The following ADGRL3 variants were observed in gnomAD, a reference collection of about 807,000 sequenced individuals.
ADGRL3 encodes calcium-independent alpha-latrotoxin receptor 3.
Under a neutral mutation model 153.5 loss-of-function variants are expected in ADGRL3, and 62 were observed. That is an observed-to-expected ratio of 0.40 (90% CI 0.33 to 0.50). The LOEUF is 0.50. Among genes scored for constraint, ADGRL3 ranks in the 20% least tolerant of loss-of-function variants. The probability of loss-of-function intolerance (pLI) is 0.47; values close to 1 mark genes in which losing one functional copy is unlikely to be tolerated. For missense variants in ADGRL3, 1,641 were observed against 1,859.4 expected (o/e 0.88, Z 2.16); for synonymous variants, 710 against 672.5 (o/e 1.06, Z -0.86).
chr4:61,471,311 C>A (rs1228749444), intron 2 of ADGRL3, among the ~76,000 whole-genome samples: 1 of 150,882 alleles, frequency 6.6e-6, no homozygotes, highest in South Asian at 2.1e-4. Flanking sequence ...ATAGTAGTAT[C>A]CAATTGATCA....
At chr4:61,827,481 A>G (rs2097821288) in intron 9 of ADGRL3, among the ~76,000 whole-genome samples, 1 of 152,186 alleles carries the variant, frequency 6.6e-6, no homozygotes, top group African/African-American at 2.4e-5. Context: ...CAAATATCCT[A>G]CAGATAGTGG....
rs547702378 is a variant in ADGRL3 at position 61,301,728 on chromosome 4, A to G, written c.-239-81396A>G. On this transcript the variant is annotated intron_variant, in intron 1 of 26. Transcript: ENST00000683033. Reference sequence around the variant, plus strand: ...ACATAGCAGCAATTTTTGTAGAAAAAGATTTTTCTGGAATATTGGGAATAA... The same window carrying G: ...ACATAGCAGCAATTTTTGTAGAAAAGGATTTTTCTGGAATATTGGGAATAA... Among the ~76,000 whole-genome samples the G allele has an allele frequency of 5.9e-5, 9 of 152,306 alleles. No homozygotes were observed. In the East Asian group the frequency reaches 1.7e-3, roughly 29 times the overall value.
intron 1 of ADGRL3, among the ~76,000 whole-genome samples, chr4:61,355,177 G>A (rs2096139649): frequency 6.6e-6 from 1 of 151,982 alleles, no homozygotes; most frequent in African/African-American, 2.4e-5. Context: ...AAAATGAGAT[G>A]TACTCTGTTT....
chr4:61,814,502 C>T (rs7697485), intron 9 of ADGRL3, among the ~76,000 whole-genome samples: 24,189 of 151,948 alleles, frequency 0.16, 2,105 homozygotes, highest in African/African-American at 0.24. Flanking sequence ...TAAATATTTA[C>T]CAATGATTTT....
At chr4:62,005,788 T>G (rs1467513293) in intron 21 of ADGRL3, among the ~76,000 whole-genome samples, 1 of 151,532 alleles carries the variant, frequency 6.6e-6, no homozygotes, top group Non-Finnish European at 1.5e-5. Context: ...AACTTTTGTG[T>G]TCCATGTTAT....
intron 5 of ADGRL3, among the ~76,000 whole-genome samples, chr4:61,646,253 A>T (rs1273674552): frequency 1.3e-5 from 2 of 151,966 alleles, no homozygotes; most frequent in African/African-American, 4.8e-5. Context: ...GCTCGGAGTA[A>T]TTTGATCGTC....
chr4:61,282,881 A>C (rs181197651), intron 1 of ADGRL3, among the ~76,000 whole-genome samples: 1 of 152,102 alleles, frequency 6.6e-6, no homozygotes, highest in Non-Finnish European at 1.5e-5. Context: ...TTCATAGAGC[A>C]TAACAGCTAG....
chr4:61,360,728 T>C (rs1224755520), intron 1 of ADGRL3, among the ~76,000 whole-genome samples: 1 of 152,170 alleles, frequency 6.6e-6, no homozygotes, highest in Non-Finnish European at 1.5e-5. Context: ...GCTAAAATCC[T>C]TTAGACATTT....
At chr4:61,208,360 A>C (rs1218043926) in intron 1 of ADGRL3, among the ~76,000 whole-genome samples, 1 of 152,186 alleles carries the variant, frequency 6.6e-6, no homozygotes, top group Non-Finnish European at 1.5e-5. Flanking sequence ...GAAGATTATG[A>C]AGATTTAATT....
chr4:61,444,649 T>A (rs2097562154), intron 2 of ADGRL3, among the ~76,000 whole-genome samples: 1 of 152,206 alleles, frequency 6.6e-6, no homozygotes, highest in South Asian at 2.1e-4. Flanking sequence ...GATTTTTTTT[T>A]ATTAGGCTGA....
rs1554034641 is a variant in ADGRL3, at chr4:61,799,038, T to TAC, written c.1400-14770_1400-14769dup. Among the ~76,000 whole-genome samples the TAC allele has an allele frequency of 4.8e-3, 553 of 115,690 alleles. 8 individuals carry two copies. Among genetic ancestry groups the TAC allele is most frequent in the African/African-American group, 0.018 (508 of 28,598 alleles). 75.9% of individuals were successfully genotyped at this position (115,690 alleles called of 152,430 possible). A position where few individuals can be genotyped will look rare whatever the true frequency, so the allele number is the denominator to read the frequency against. On this transcript the variant is annotated intron_variant, in intron 8 of 26. Coordinates refer to ENST00000683033, the MANE Select transcript of ADGRL3 (RefSeq NM_001387552.1). ...ATATATATATATATATATATATATA[T>TAC]ACCATATATTGTATAGTTATACAGT...
chr4:61,719,621 A>G (rs1274110317), intron 6 of ADGRL3, among the ~76,000 whole-genome samples: 1 of 57,228 alleles, frequency 1.7e-5, no homozygotes, highest in Non-Finnish European at 3.3e-5. Flanking sequence ...TTTTTTTTTT[A>G]AGACAGAGTC....
At chr4:61,998,153 A>G (rs779598881) in intron 20 of ADGRL3, 21 bp from the exon 21 acceptor site, 112 of 1,374,484 alleles carry the variant, frequency 8.1e-5, no homozygotes, top group Non-Finnish European at 3.0e-5. Context: ...ATGCTACATA[A>G]CACTACCTTT....
At chr4:61,687,970 C>T (rs2095475969) in intron 6 of ADGRL3, among the ~76,000 whole-genome samples, 1 of 152,110 alleles carries the variant, frequency 6.6e-6, no homozygotes, top group Non-Finnish European at 1.5e-5. Flanking sequence ...TGCCCACACC[C>T]TCATGATACA....
chr4:62,024,964 T>G (rs1003037339), intron 21 of ADGRL3, among the ~76,000 whole-genome samples: 22 of 152,066 alleles, frequency 1.4e-4, no homozygotes, highest in African/African-American at 4.3e-4. Context: ...GAATGCCTTT[T>G]ATTTTTATTC....
At chr4:61,481,835 T>C (rs1178894329) in intron 2 of ADGRL3, among the ~76,000 whole-genome samples, 2 of 152,132 alleles carry the variant, frequency 1.3e-5, no homozygotes, top group African/African-American at 4.8e-5. Context: ...CTCTTTAACA[T>C]TTTTAGAAAA....
chr4:61,250,054 T>C (rs1758643840), intron 1 of ADGRL3, among the ~76,000 whole-genome samples: 1 of 152,204 alleles, frequency 6.6e-6, no homozygotes, highest in African/African-American at 2.4e-5. Context: ...GGTGTCTCCT[T>C]GCATTGTCTC....
At chr4:61,593,698 G>A (rs957507806) in intron 5 of ADGRL3, among the ~76,000 whole-genome samples, 1 of 151,832 alleles carries the variant, frequency 6.6e-6, no homozygotes, top group Non-Finnish European at 1.5e-5. Context: ...GTTTTGTTTC[G>A]GTTTGGTTTT....
chr4:61,219,415 GA>G (rs1744360816), intron 1 of ADGRL3, among the ~76,000 whole-genome samples: 1 of 152,166 alleles, frequency 6.6e-6, no homozygotes, highest in South Asian at 2.1e-4. Flanking sequence ...AATGCTGTAT[GA>G]AAACCATAAA....
Sources: gnomAD v4.1 joint callset for allele counts (sites outside exome capture counted in the v4.1 genomes callset) on GRCh38, gnomAD v4.1.1 for gene constraint, MANE v1.5 for transcripts, NCBI Gene and HGNC (gene_info 2026-07-23, HGNC 2026-07-21) for gene names.